Variants in FMN1 observed in about 807,000 individuals in gnomAD.
The protein encoded by FMN1 is formin-1.
Under a neutral mutation model 132.4 loss-of-function variants are expected in FMN1, and 110 were observed. That is an observed-to-expected ratio of 0.83 (90% confidence interval 0.71 to 0.97). FMN1 has a LOEUF of 0.97. Among genes scored for constraint, FMN1 ranks in the 50% least tolerant of loss-of-function variants. The pLI is 0.00. For missense variants in FMN1, 1,792 were observed against 1,705.3 expected, an observed-to-expected ratio of 1.05 and a Z score of -0.90; for synonymous variants, 722 against 651.7, an observed-to-expected ratio of 1.11 and a Z score of -1.64.
At chr15:33,020,239 C>T (rs546342929) in intron 6 of FMN1, among the ~76,000 whole-genome samples, 2 of 152,318 alleles carry the variant, frequency 1.3e-5, no homozygotes, top group African/African-American at 2.4e-5. Flanking sequence ...CAAATACTAT[C>T]GCCAGGTAAA....
intron 4 of FMN1, among the ~76,000 whole-genome samples, chr15:33,121,107 A>G (rs1274939845): frequency 7.0e-6 from 1 of 142,604 alleles, no homozygotes; most frequent in Non-Finnish European, 1.6e-5. Context: ...ATGATGTTGT[A>G]ACAAGAGTAT....
At chr15:33,062,228 C>T (rs1001390955) in intron 6 of FMN1, among the ~76,000 whole-genome samples, 44 of 152,054 alleles carry the variant, frequency 2.9e-4, no homozygotes, top group African/African-American at 1.0e-3. Flanking sequence ...AGCATTTATC[C>T]TAAGATAAAA....
At chr15:32,943,821 C>A (rs992008216) in intron 9 of FMN1, among the ~76,000 whole-genome samples, 4 of 152,050 alleles carry the variant, frequency 2.6e-5, no homozygotes, top group African/African-American at 4.8e-5. Flanking sequence ...CCATCCAAAT[C>A]AAAAAATCTT....
chr15:32,773,330 T>G lies in FMN1; in HGVS notation c.*980A>C, dbSNP rs939684186. On this transcript the variant is annotated 3_prime_UTR_variant, in exon 21 of 21. Coordinates refer to ENST00000616417, the MANE Select transcript of FMN1 (RefSeq NM_001277313.2). The stretch of plus-strand genomic sequence containing the variant: ...CATGAGCAGGTGCTGTGAGTTGCAT[T>G]TGCTCTCCTGTCTGGAAACTGCCTC... 2 of 152,218 alleles carry G rather than the reference T, an allele frequency of 1.3e-5. No individual in the cohort carries two copies. Among genetic ancestry groups the G allele is most frequent in the Non-Finnish European group, 2.9e-5 (2 of 68,062 alleles). 9.4% of individuals were successfully genotyped at this position (152,218 alleles called of 1,614,324 possible).
At chr15:32,957,885 T>C (rs1337058973) in intron 9 of FMN1, among the ~76,000 whole-genome samples, 1 of 152,194 alleles carries the variant, frequency 6.6e-6, no homozygotes, top group Non-Finnish European at 1.5e-5. Flanking sequence ...GGTGGTTCCA[T>C]TGACAGCTGG....
chr15:32,925,128 A>T (rs571763017), intron 10 of FMN1, among the ~76,000 whole-genome samples: 1 of 152,328 alleles, frequency 6.6e-6, no homozygotes, highest in African/African-American at 2.4e-5. Context: ...AGATAACCAA[A>T]TAGAAATAAC....
chr15:32,920,069 C>G (rs899483147), intron 10 of FMN1, among the ~76,000 whole-genome samples: 1 of 152,090 alleles, frequency 6.6e-6, no homozygotes, highest in Non-Finnish European at 1.5e-5. Flanking sequence ...AATATTAATT[C>G]TGCGTGTATG....
At chr15:33,010,901 A>G (rs539247117) in intron 6 of FMN1, among the ~76,000 whole-genome samples, 1 of 141,486 alleles carries the variant, frequency 7.1e-6, no homozygotes. Context: ...ATATTTTACT[A>G]AAAAAAAAAA....
chr15:33,114,337 TAAG>T (rs573911361), intron 4 of FMN1, among the ~76,000 whole-genome samples: 201 of 152,316 alleles, frequency 1.3e-3, no homozygotes, highest in African/African-American at 4.8e-3. Context: ...GACAGTGACA[TAAG>T]AAGAAATAAT....
intron 2 of FMN1, among the ~76,000 whole-genome samples, chr15:33,192,980 G>T (rs1966129956): frequency 6.6e-6 from 1 of 152,152 alleles, no homozygotes; most frequent in African/African-American, 2.4e-5. Context: ...GGCTGGTCCA[G>T]GATTTGAACC....
chr15:32,782,076 T>C (rs959623428), intron 19 of FMN1, among the ~76,000 whole-genome samples: 1 of 152,254 alleles, frequency 6.6e-6, no homozygotes, highest in Non-Finnish European at 1.5e-5. Context: ...TAGCCAGAAG[T>C]AATTGCTCTT....
chr15:32,898,841 T>C lies in FMN1; in HGVS notation c.3707A>G (p.Tyr1236Cys), dbSNP rs1290674145. ...DYVVKYYLRY[Y>C]DQEAGTEKSV... is the part of the protein sequence containing the mutation. ...CGTAATACCATTTCTTACCTGATCA[T>C]AGTAACGCAGGTAATACTTAACAAC... Residue 1236 changes from tyrosine (Y) to cysteine (C), a missense_variant, in exon 15 of 21, where the codon TAT becomes TGT. Coordinates refer to ENST00000616417, the MANE Select transcript of FMN1 (RefSeq NM_001277313.2). 1.3e-6 allele frequency: 2 copies of C among 1,594,542 alleles called. No homozygotes were observed. The highest frequency in any genetic ancestry group is 1.3e-5 in the African/African-American group (1 of 74,502).
chr15:33,131,132 C>G (rs556300558), intron 4 of FMN1, among the ~76,000 whole-genome samples: 1 of 152,106 alleles, frequency 6.6e-6, no homozygotes, highest in South Asian at 2.1e-4. Flanking sequence ...GAATTTGAGA[C>G]CAGCCTGGCC....
At chr15:33,045,149 G>C (rs2036619569) in intron 6 of FMN1, among the ~76,000 whole-genome samples, 1 of 152,232 alleles carries the variant, frequency 6.6e-6, no homozygotes, top group African/African-American at 2.4e-5. Context: ...AGCCGTGGAA[G>C]CTGCTTGTGG....
chr15:32,908,042 T>G (rs1193781316), intron 12 of FMN1: 2 of 159,936 alleles, frequency 1.3e-5, no homozygotes, highest in African/African-American at 4.8e-5. Context: ...GCAGAGCAGG[T>G]GGAGAAGTTT....
At chr15:32,951,445 A>G (rs2061651913) in intron 9 of FMN1, among the ~76,000 whole-genome samples, 1 of 152,018 alleles carries the variant, frequency 6.6e-6, no homozygotes, top group African/African-American at 2.4e-5. Context: ...ACACACACAC[A>G]CACACACACA....
chr15:33,046,895 T>C (rs2036712491), intron 6 of FMN1, among the ~76,000 whole-genome samples: 1 of 152,218 alleles, frequency 6.6e-6, no homozygotes, highest in African/African-American at 2.4e-5. Flanking sequence ...TGCACGGTTC[T>C]ATCATAAGGA....
chr15:33,141,320 G>A (rs895822554), intron 4 of FMN1, among the ~76,000 whole-genome samples: 3 of 152,038 alleles, frequency 2.0e-5, no homozygotes, highest in Non-Finnish European at 4.4e-5. Context: ...AGATTTTTGT[G>A]CATGGCATAA....
At position 32,961,308 on chromosome 15, in the gene FMN1, GT is replaced by G. The variant is rs202202026; in HGVS notation, c.3138+2798del. On this transcript the variant is annotated intron_variant, in intron 9 of 20. Coordinates refer to ENST00000616417, the MANE Select transcript of FMN1 (RefSeq NM_001277313.2). ...GCCACCACACCTGGCTAATATTTGT[GT>G]TTTTAGTAGAGACGGGGTTTCCCGA... 5.3e-3 allele frequency among the ~76,000 whole-genome samples: 799 copies of G among 151,802 alleles called. 35 individuals carry two copies. In the East Asian group the frequency reaches 0.1, roughly 19 times the overall value.
Sources: allele counts gnomAD v4.1 joint callset (sites outside exome capture counted in the v4.1 genomes callset), GRCh38; gene constraint gnomAD v4.1.1; transcripts MANE v1.5; gene names NCBI Gene and HGNC (gene_info 2026-07-23, HGNC 2026-07-21).